SYCP3: variants seen among roughly 807,000 people sequenced by gnomAD.
SYCP3 encodes synaptonemal complex protein 3.
Under a neutral mutation model 38.5 loss-of-function variants are expected in SYCP3, and 29 were observed. That is an observed-to-expected ratio of 0.75 (90% CI 0.56 to 1.03). The LOEUF is 1.03. SYCP3 is among the 50% of genes least tolerant of loss of function. The pLI is 0.00. For synonymous variants in SYCP3, 79 were observed against 80.3 expected, an observed-to-expected ratio of 0.98 and a Z score of 0.08; for missense variants, 242 against 270.7, an observed-to-expected ratio of 0.89 and a Z score of 0.74.
At chr12:101,731,426 A>T in intron 7 of SYCP3, 142 bp downstream of exon 7, 2 of 506,660 alleles carry the variant, frequency 3.9e-6, no homozygotes, top group Non-Finnish European at 6.6e-6. Context: ...TTTATCACTT[A>T]AATCAGAAAC....
Position 101,731,554 on chromosome 12 carries a change from C to T in SYCP3, c.552+14G>A. On this transcript the variant is annotated intron_variant, in intron 7 of 8. Coordinates refer to ENST00000392924, the MANE Select transcript of SYCP3 (RefSeq NM_001177949.2). ...GTTTTATAACGATGTATTGTGTTAC[C>T]ACATACAACAAACCTTTATGAACTG... 1 of 1,535,752 alleles carries T rather than the reference C, an allele frequency of 6.5e-7. No individual in the cohort carries two copies. The highest frequency in any genetic ancestry group is 1.2e-5 in the South Asian group (1 of 84,890).
Position 101,739,205 on chromosome 12 carries a change from T to C in SYCP3, c.-18+146A>G, listed in dbSNP as rs1227737816. The C allele has an allele frequency of 1.1e-4, 61 of 573,138 alleles. No homozygotes were observed. In the South Asian group the frequency reaches 3.1e-3, roughly 29 times the overall value. 35.5% of individuals were successfully genotyped at this position (573,138 alleles called of 1,614,324 possible). ...GCCCGCTTTCCACTAGGCCCTATCC[T>C]GCTCAAGGCCCTGTCCTCAGGTTCG... is the stretch of plus-strand genomic sequence containing the variant. On this transcript the variant is annotated intron_variant, in intron 1 of 8. Coordinates refer to ENST00000392924, the MANE Select transcript of SYCP3 (RefSeq NM_001177949.2).
intron 6 of SYCP3, chr12:101,732,592 A>C (rs1234524311): frequency 6.6e-6 from 1 of 152,092 alleles, no homozygotes; most frequent in Non-Finnish European, 1.5e-5. Flanking sequence ...TAGATCTCTT[A>C]TAATACCTAA....
intron 4 of SYCP3, among the ~76,000 whole-genome samples, chr12:101,735,851 T>TTATATA (rs1157750107): frequency 6.2e-5 from 6 of 96,070 alleles, no homozygotes; most frequent in African/African-American, 1.8e-4. Context: ...ATAATCAATT[T>TTATATA]TATATATATA....
At chr12:101,731,737 T>G (rs1952200322) in intron 6 of SYCP3, 71 bp from the exon 7 acceptor site, 1 of 1,104,952 alleles carries the variant, frequency 9.1e-7, no homozygotes, top group African/African-American at 1.6e-5. Flanking sequence ...AAAAAATAAT[T>G]CTACATTAAA....
intron 4 of SYCP3, among the ~76,000 whole-genome samples, chr12:101,735,871 A>ATATATATATATATATATTTTTTTTTTTTT: frequency 1.5e-3 from 114 of 74,484 alleles, no homozygotes; most frequent in Non-Finnish European, 2.1e-3. Flanking sequence ...ATATATATAT[A>ATATATATATATATATATTTTTTTTTTTTT]TTTTTTTTTT....
In SYCP3 at chr12:101,739,457, G is replaced by T; in HGVS notation, c.-124C>A. The T allele has an allele frequency of 1.0e-6, 1 of 1,002,580 alleles. No homozygotes were observed. Among genetic ancestry groups the T allele is most frequent in the Non-Finnish European group, 1.2e-6 (1 of 830,306 alleles). The allele number at this position is 1,002,580 out of a possible 1,614,324, so 62.1% of individuals were successfully genotyped here. On this transcript the variant is annotated 5_prime_UTR_variant, in exon 1 of 9. Transcript: ENST00000392924. ...CCTGAGGTGGCCCCTTCTCCGCGAC[G>T]CTTCTGAGGCAAGCTGGGATTCGCA...
intron 7 of SYCP3, among the ~76,000 whole-genome samples, chr12:101,731,288 T>C (rs952517582): frequency 3.9e-5 from 6 of 152,178 alleles, no homozygotes; most frequent in African/African-American, 1.4e-4. Flanking sequence ...CAGAGAACTA[T>C]GACTGAAGTG....
At chr12:101,729,085 T>G in intron 8 of SYCP3, 24 bp downstream of exon 8, 1 of 1,608,188 alleles carries the variant, frequency 6.2e-7, no homozygotes, top group Non-Finnish European at 8.5e-7. Flanking sequence ...TCCTTATTTT[T>G]TCAATTTCAA....
At chr12:101,738,116 T>C (rs947180596) in intron 1 of SYCP3, among the ~76,000 whole-genome samples, 164 bp from the exon 2 acceptor site, 14 of 152,202 alleles carry the variant, frequency 9.2e-5, no homozygotes, top group Admixed American at 2.6e-4. Flanking sequence ...GATAATGACA[T>C]TTGTTAAAAA....
rs1247342010 is a variant in SYCP3 at position 101,737,247 on chromosome 12, A to G, written c.185T>C (p.Val62Ala). 6.2e-7 allele frequency: 1 copy of G among 1,610,762 alleles called. No homozygotes were observed. The highest frequency in any genetic ancestry group is 8.5e-7 in the Non-Finnish European group (1 of 1,179,412). ...AACACGTTACCCCATATCTTCAACTACTCCTGCAGAAGACCTTTTCTTCCT... is the reference window on the plus strand; with the variant it reads ...AACACGTTACCCCATATCTTCAACTGCTCCTGCAGAAGACCTTTTCTTCCT... ...KRRKKRSSAG[V>A]VEDMGGEVQN... is the part of the protein sequence containing the mutation. Residue 62 changes from valine to alanine, a missense_variant, in exon 3 of 9, where the codon GTA becomes GCA. Physicochemically the swap from Val to Ala is moderately conservative, Grantham distance 64. Coordinates refer to ENST00000392924, the MANE Select transcript of SYCP3 (RefSeq NM_001177949.2).
intron 7 of SYCP3, chr12:101,730,527 G>A (rs967699072): frequency 5.3e-5 from 20 of 377,386 alleles, no homozygotes; most frequent in South Asian, 1.1e-4. Context: ...GCAGGGTCTC[G>A]CTGTCGCCCA....
chr12:101,735,881 T>A (rs1317938651), intron 4 of SYCP3, among the ~76,000 whole-genome samples: 1,565 of 72,000 alleles, frequency 0.022, 136 homozygotes, highest in African/African-American at 0.085. Context: ...ATTTTTTTTT[T>A]TTTAAAGACA....
chr12:101,733,484 C>T lies in SYCP3; in HGVS notation c.453+91G>A, dbSNP rs10860779. 7.7e-6 allele frequency: 9 copies of T among 1,168,832 alleles called. No homozygotes were observed. The South Asian group carries it at 9.9e-5, about 13-fold the overall frequency. 72.4% of individuals were successfully genotyped at this position (1,168,832 alleles called of 1,614,324 possible). Reference sequence around the variant, plus strand: ...ACATGGCCAGCAATGGTTAATGAAACCTGGCTCAGTTCCACTGGTCACAAT... The same window carrying T: ...ACATGGCCAGCAATGGTTAATGAAATCTGGCTCAGTTCCACTGGTCACAAT... On this transcript the variant is annotated intron_variant, in intron 6 of 8. Transcript: ENST00000392924.
chr12:101,737,543 T>C, intron 2 of SYCP3: 1 of 644,008 alleles, frequency 1.6e-6, no homozygotes, highest in South Asian at 1.9e-5. Flanking sequence ...CCACATACTA[T>C]ATATCAGATA....
intron 2 of SYCP3, chr12:101,737,515 G>A: frequency 3.1e-6 from 2 of 650,146 alleles, no homozygotes. Context: ...AGTCTCCCTG[G>A]GTTAATGTCA....
intron 7 of SYCP3, chr12:101,730,710 T>C: frequency 1.7e-5 from 4 of 231,100 alleles, no homozygotes; most frequent in Non-Finnish European, 2.6e-5. Context: ...GTCATGTTGC[T>C]CAGGCTGGTC....
chr12:101,732,544 AAC>A (rs1468561831), intron 6 of SYCP3: 1 of 152,230 alleles, frequency 6.6e-6, no homozygotes, highest in Non-Finnish European at 1.5e-5. Flanking sequence ...ATTTGCATAT[AAC>A]CAATGCACAT....
At chr12:101,736,884 G>A (rs1458488865) in intron 4 of SYCP3, among the ~76,000 whole-genome samples, 153 bp downstream of exon 4, 1 of 152,110 alleles carries the variant, frequency 6.6e-6, no homozygotes, top group Non-Finnish European at 1.5e-5. Context: ...ATGAAAATCT[G>A]TGATGCTAAA....
Sources: allele counts gnomAD v4.1 joint callset (sites outside exome capture counted in the v4.1 genomes callset), GRCh38; gene constraint gnomAD v4.1.1; transcripts MANE v1.5; gene names NCBI Gene and HGNC (gene_info 2026-07-23, HGNC 2026-07-21).